The following ANKRD26 variants were observed in gnomAD, a reference collection of about 807,000 sequenced individuals.
ANKRD26 encodes ankyrin repeat domain-containing protein 26.
ANKRD26 carries 141 observed loss-of-function variants against 208.7 expected under a neutral mutation model. The ratio of observed to expected loss-of-function variants is 0.68; its 90% CI spans 0.59 to 0.78. The LOEUF (loss-of-function observed/expected upper bound fraction) is 0.78. Among genes scored for constraint, ANKRD26 ranks in the 30% least tolerant of loss-of-function variants. ANKRD26 has a pLI of 0.00. For synonymous variants in ANKRD26, 636 were observed against 660.4 expected (o/e 0.96, Z 0.57); for missense variants, 1,889 against 1,938.7 (o/e 0.97, Z 0.48).
chr10:27,029,434 A>C, intron 25 of ANKRD26, 78 bp from the exon 26 acceptor site: 31 of 1,366,172 alleles, frequency 2.3e-5, no homozygotes, highest in Non-Finnish European at 3.2e-5. Flanking sequence ...TTGTAACTAA[A>C]CCTTATCGGA....
chr10:27,065,243 A>G (rs1236558525), intron 11 of ANKRD26, among the ~76,000 whole-genome samples: 1 of 152,212 alleles, frequency 6.6e-6, no homozygotes, highest in Admixed American at 6.5e-5. Flanking sequence ...ATAGTGACTT[A>G]TAAGTGTTTG....
Position 27,049,754 on chromosome 10 carries a change from A to C in ANKRD26, c.1636-775T>G, listed in dbSNP as rs2054582863. ...TAAATGATCCATCCAGAGCTCCTAA[A>C]GTGGCATTATCTAGCACTTTATGGC... On this transcript the variant is annotated intron_variant, in intron 16 of 33. Transcript: ENST00000376087. 2.0e-5 allele frequency among the ~76,000 whole-genome samples: 3 copies of C among 152,220 alleles called. No individual in the cohort carries two copies. The South Asian group carries it at 6.2e-4, about 31-fold the overall frequency.
At chr10:26,947,605 G>T in the ANKRD26 span, among the ~76,000 whole-genome samples, 2 of 152,130 alleles carry the variant, frequency 1.3e-5, no homozygotes, top group African/African-American at 4.8e-5. Flanking sequence ...TTGATTTATT[G>T]TTGAAAGAAG....
At chr10:27,004,042 A>G (rs1422347156), downstream of ANKRD26, 1 of 152,228 alleles carries the variant, frequency 6.6e-6, no homozygotes, top group Non-Finnish European at 1.5e-5. Context: ...TACTACAGTT[A>G]TGTAAGGTAA....
At chr10:27,042,798 C>CAAAAAAAAAAAAAAAAAAAA (rs60850386) in intron 20 of ANKRD26, among the ~76,000 whole-genome samples, 4 of 48,954 alleles carry the variant, frequency 8.2e-5, no homozygotes, top group Non-Finnish European at 1.3e-4. Context: ...CAAAAAAATA[C>CAAAAAAAAAAAAAAAAAAAA]AAAAAAAAAA....
At chr10:26,975,228 CTTT>C (rs2052207166) in exon 6 of ANKRD26, among the ~76,000 whole-genome samples, 1 of 151,968 alleles carries the variant, frequency 6.6e-6, no homozygotes, top group African/African-American at 2.4e-5. Flanking sequence ...CACACAGTTT[CTTT>C]TTTTATTACT....
rs2056607146 is a variant in ANKRD26 at position 27,100,266 on chromosome 10, T to G, written c.61A>C (p.Arg21=). The part of the protein sequence containing the change: ...SPLGSFARRQ[R]SSAGGGGEPG... ...TCGCCCCCGCCTCCCGCGCTGCTCC[T>G]CTGCCGCCGCGCGAAGGAGCCCAAG... is the stretch of plus-strand genomic sequence containing the variant. Residue 21 remains arginine (R), a synonymous_variant, in exon 1 of 34, where the codon AGG becomes CGG. Coordinates refer to ENST00000376087, the MANE Select transcript of ANKRD26 (RefSeq NM_014915.3). The G allele has an allele frequency of 2.5e-6, 4 of 1,610,694 alleles. No homozygotes were observed. Among genetic ancestry groups the G allele is most frequent in the Non-Finnish European group, 3.4e-6 (4 of 1,179,014 alleles).
At chr10:27,051,923 G>C (rs746746856) in intron 16 of ANKRD26, 3 of 985,156 alleles carry the variant, frequency 3.0e-6, no homozygotes, top group Admixed American at 6.2e-5. Context: ...TGAGTTTTAA[G>C]TTATTTTTCC....
chr10:26,990,023 G>A (rs1008753476), downstream of ANKRD26, among the ~76,000 whole-genome samples: 1 of 152,142 alleles, frequency 6.6e-6, no homozygotes, highest in African/African-American at 2.4e-5. Flanking sequence ...GTAAGGAAGT[G>A]AGGTAGTCTT....
rs1303112071 is a variant in ANKRD26, at chr10:27,093,530, T to C, written c.358-8A>G. The C allele has an allele frequency of 6.2e-7, 1 of 1,613,958 alleles. No individual in the cohort carries two copies. Among genetic ancestry groups the C allele is most frequent in the Non-Finnish European group, 8.5e-7 (1 of 1,179,956 alleles). On this transcript the variant is annotated splice_region_variant and splice_polypyrimidine_tract_variant and intron_variant, in intron 2 of 33. Coordinates refer to ENST00000376087, the MANE Select transcript of ANKRD26 (RefSeq NM_014915.3). ...TTCCTGGCATTGTACAGCCTGGGAG[T>C]ATTAGACCAAGAAACAGATCATAAA...
chr10:27,051,535 T>C, intron 16 of ANKRD26: 2 of 984,894 alleles, frequency 2.0e-6, no homozygotes, highest in Middle Eastern at 5.2e-4. Context: ...TTATTTTCTG[T>C]ATCATTATAA....
intron 17 of ANKRD26, among the ~76,000 whole-genome samples, chr10:27,047,391 C>T (rs894257283): frequency 2.0e-5 from 3 of 151,990 alleles, no homozygotes; most frequent in African/African-American, 7.2e-5. Flanking sequence ...GAGGCTGAGG[C>T]GGGTGGATCA....
At chr10:26,998,214 A>C (rs1170898049) in intron 4 of ANKRD26, among the ~76,000 whole-genome samples, 4 of 152,220 alleles carry the variant, frequency 2.6e-5, no homozygotes, top group Non-Finnish European at 5.9e-5. Context: ...TTTTCAAAGC[A>C]ATCAGCTGAC....
At chr10:27,052,553 T>A (rs145201347) in intron 16 of ANKRD26, among the ~76,000 whole-genome samples, 1 of 152,124 alleles carries the variant, frequency 6.6e-6, no homozygotes, top group East Asian at 1.9e-4. Flanking sequence ...AAAGAAAAGT[T>A]AACTCTTACA....
intron 15 of ANKRD26, among the ~76,000 whole-genome samples, 174 bp from the exon 16 acceptor site, chr10:27,053,564 C>T (rs1207148251): frequency 5.3e-5 from 8 of 152,040 alleles, no homozygotes; most frequent in Admixed American, 2.0e-4. Context: ...AGTGCAGTGG[C>T]GCAATCACAA....
intron 27 of ANKRD26, among the ~76,000 whole-genome samples, chr10:27,026,382 G>A (rs544866432): frequency 2.6e-5 from 4 of 152,172 alleles, no homozygotes; most frequent in Non-Finnish European, 5.9e-5. Context: ...TCCATATAAG[G>A]GGATGTCCCC....
the ANKRD26 span, among the ~76,000 whole-genome samples, chr10:26,954,085 G>A: frequency 2.6e-5 from 4 of 152,146 alleles, no homozygotes; most frequent in Admixed American, 1.3e-4. Flanking sequence ...GTTAAAATCT[G>A]CCACTTTTTG....
In ANKRD26 at chr10:27,040,021, T is replaced by A; in HGVS notation, c.2319A>T (p.Ile773=). ...LQRELSETKE[I]KSQLEHQKVE... ...CTTTTTGATGCTCTAACTGTGATTT[T>A]ATTTCTTTTGTTTCAGATAGCTCCC... The change falls in exon 21 of 34, where the codon ATA becomes ATT. Residue 773 remains isoleucine, a synonymous_variant. Coordinates refer to ENST00000376087, the MANE Select transcript of ANKRD26 (RefSeq NM_014915.3). The A allele has an allele frequency of 6.2e-7, 1 of 1,613,826 alleles. No homozygotes were observed. The highest frequency in any genetic ancestry group is 8.5e-7 in the Non-Finnish European group (1 of 1,179,912).
At chr10:27,071,341 A>ATT (rs1554790231) in intron 9 of ANKRD26, among the ~76,000 whole-genome samples, 2 of 127,850 alleles carry the variant, frequency 1.6e-5, no homozygotes, top group Non-Finnish European at 1.7e-5. Context: ...AATTTTTTGT[A>ATT]TTTTTTTTTT....
Sources: gnomAD v4.1 joint callset for allele counts (sites outside exome capture counted in the v4.1 genomes callset) on GRCh38, gnomAD v4.1.1 for gene constraint, MANE v1.5 for transcripts, NCBI Gene and HGNC (gene_info 2026-07-23, HGNC 2026-07-21) for gene names.